Variants in RCOR1 observed in about 807,000 individuals in gnomAD.
The protein encoded by RCOR1 is REST corepressor 1, also known as REST corepressor.
In RCOR1, 12 loss-of-function variants were observed where a neutral mutation model predicts 64.0. The observed-to-expected ratio is 0.19, with a 90% CI of 0.12 to 0.30. The LOEUF is 0.30. RCOR1 is among the 10% of genes least tolerant of loss of function. The pLI, the probability that RCOR1 is intolerant of heterozygous loss-of-function variation, is 1.00. For synonymous variants in RCOR1, 279 were observed against 227.2 expected (o/e 1.23, Z -2.05); for missense variants, 502 against 621.2 (o/e 0.81, Z 2.04).
At chr14:102,690,646 G>A (rs1347535121) in intron 3 of RCOR1, among the ~76,000 whole-genome samples, 1 of 152,142 alleles carries the variant, frequency 6.6e-6, no homozygotes, top group African/African-American at 2.4e-5. Flanking sequence ...TGTCCACATG[G>A]CTCACCCCCC....
chr14:102,704,868 T>A (rs976832422), intron 4 of RCOR1, among the ~76,000 whole-genome samples: 3 of 152,156 alleles, frequency 2.0e-5, no homozygotes, highest in Middle Eastern at 3.2e-3. Flanking sequence ...TGTGTGCCTG[T>A]GGTCCCAGCT....
At chr14:102,651,843 G>A (rs1894597819) in intron 2 of RCOR1, among the ~76,000 whole-genome samples, 2 of 152,060 alleles carry the variant, frequency 1.3e-5, no homozygotes, top group East Asian at 1.9e-4. Context: ...CAAAGTGCTG[G>A]GATTATAGGC....
At chr14:102,644,249 A>G (rs895359719) in intron 2 of RCOR1, among the ~76,000 whole-genome samples, 5 of 152,232 alleles carry the variant, frequency 3.3e-5, no homozygotes, top group Admixed American at 3.3e-4. Context: ...CAAGTATCGC[A>G]AGAAAACTGA....
intron 2 of RCOR1, among the ~76,000 whole-genome samples, chr14:102,632,716 TC>T (rs1894148212): frequency 1.1e-5 from 1 of 91,932 alleles, no homozygotes; most frequent in African/African-American, 5.2e-5. Flanking sequence ...CCTTTTCCTT[TC>T]CTTTCCTTTC....
intron 2 of RCOR1, among the ~76,000 whole-genome samples, chr14:102,638,160 G>A (rs1236336474): frequency 1.3e-5 from 2 of 152,168 alleles, no homozygotes; most frequent in African/African-American, 2.4e-5. Flanking sequence ...TTTGGGGATA[G>A]CACACATAAA....
intron 2 of RCOR1, among the ~76,000 whole-genome samples, chr14:102,639,264 CTT>C (rs11306200): frequency 0.37 from 46,210 of 125,632 alleles, 7,387 homozygotes; most frequent in East Asian, 0.5. Flanking sequence ...TTCTTTCTTT[CTT>C]TTTTTTTTTT....
intron 2 of RCOR1, among the ~76,000 whole-genome samples, chr14:102,666,962 C>T (rs1339204540): frequency 6.6e-6 from 1 of 152,184 alleles, no homozygotes; most frequent in African/African-American, 2.4e-5. Context: ...GGTCACTATG[C>T]ACAGCCCACA....
At chr14:102,632,907 G>A (rs1478889849) in intron 2 of RCOR1, among the ~76,000 whole-genome samples, 2 of 151,074 alleles carry the variant, frequency 1.3e-5, no homozygotes, top group Non-Finnish European at 2.9e-5. Context: ...AAACTCCTGG[G>A]CTCAAGCAGT....
chr14:102,627,656 TA>T (rs533375860), intron 2 of RCOR1, among the ~76,000 whole-genome samples: 3,497 of 140,038 alleles, frequency 0.025, 97 homozygotes, highest in African/African-American at 0.072. Context: ...GACTCTGTCT[TA>T]AAAAAAAAAA....
intron 8 of RCOR1, among the ~76,000 whole-genome samples, chr14:102,715,556 T>C (rs1271865678): frequency 4.0e-5 from 6 of 151,748 alleles, no homozygotes; most frequent in East Asian, 1.9e-4. Context: ...TAATTTTTTG[T>C]GTTTTTGGTA....
intron 2 of RCOR1, among the ~76,000 whole-genome samples, chr14:102,625,407 G>C (rs1275997439): frequency 1.3e-5 from 2 of 150,794 alleles, no homozygotes; most frequent in South Asian, 2.1e-4. Flanking sequence ...GGCTAATTTT[G>C]TATTTTTAGT....
chr14:102,726,323 T>G (rs923659931), intron 11 of RCOR1, 145 bp from the exon 12 acceptor site: 2 of 694,756 alleles, frequency 2.9e-6, no homozygotes, highest in African/African-American at 4.0e-5. Context: ...GAGACCTGTC[T>G]CCCCTCCAAA....
intron 2 of RCOR1, among the ~76,000 whole-genome samples, chr14:102,681,138 T>C (rs1299390113): frequency 1.3e-5 from 2 of 152,224 alleles, no homozygotes; most frequent in Non-Finnish European, 2.9e-5. Context: ...TTGTATGTTA[T>C]ATTTAGTTGC....
At chr14:102,677,466 G>GT (rs1895206667) in intron 2 of RCOR1, among the ~76,000 whole-genome samples, 1 of 135,560 alleles carries the variant, frequency 7.4e-6, no homozygotes, top group African/African-American at 2.9e-5. Context: ...CAGGCAGAGG[G>GT]TTTCCTCACT....
At chr14:102,616,116 T>TA (rs1893753914) in intron 2 of RCOR1, among the ~76,000 whole-genome samples, 1 of 152,210 alleles carries the variant, frequency 6.6e-6, no homozygotes, top group African/African-American at 2.4e-5. Context: ...TTCCTGCAGA[T>TA]ACCTCCTTGA....
intron 6 of RCOR1, among the ~76,000 whole-genome samples, chr14:102,709,565 T>G (rs1895918357): frequency 1.3e-5 from 2 of 152,238 alleles, no homozygotes; most frequent in African/African-American, 2.4e-5. Flanking sequence ...GTATCACTTT[T>G]GGAGAATTCA....
chr14:102,685,485 CT>C (rs200809707), intron 3 of RCOR1, among the ~76,000 whole-genome samples: 370 of 139,444 alleles, frequency 2.7e-3, no homozygotes, highest in Admixed American at 3.4e-3. Context: ...TTGTACATTT[CT>C]TTTTTTTTTT....
chr14:102,643,337 C>T (rs1490953102), intron 2 of RCOR1: 1 of 979,214 alleles, frequency 1.0e-6, no homozygotes, highest in Non-Finnish European at 1.2e-6. Context: ...CCTTATAGAG[C>T]TTCCAGGAAA....
At chr14:102,682,176 C>CTGGA (rs1434844844) in intron 3 of RCOR1, among the ~76,000 whole-genome samples, 198 bp downstream of exon 3, 26 of 152,240 alleles carry the variant, frequency 1.7e-4, no homozygotes, top group African/African-American at 6.0e-4. Flanking sequence ...GTTGCCCAGG[C>CTGGA]TGGAGTGCAG....
Sources: allele counts gnomAD v4.1 joint callset (sites outside exome capture counted in the v4.1 genomes callset), GRCh38; gene constraint gnomAD v4.1.1; transcripts MANE v1.5; gene names NCBI Gene and HGNC (gene_info 2026-07-23, HGNC 2026-07-21).